The following UVRAG variants were observed in gnomAD, a reference collection of about 807,000 sequenced individuals.
UVRAG encodes UV radiation resistance associated, also known as UV radiation resistance-associated gene protein.
UVRAG carries 19 observed loss-of-function variants against 78.0 expected under a neutral mutation model. The observed-to-expected ratio is 0.24, with a 90% confidence interval of 0.17 to 0.36. UVRAG has a LOEUF of 0.36. Among genes scored for constraint, UVRAG ranks in the 10% least tolerant of loss-of-function variants. The pLI is 1.00. For missense variants in UVRAG, 740 were observed against 853.8 expected, an observed-to-expected ratio of 0.87 and a Z score of 1.66; for synonymous variants, 323 against 324.6, an observed-to-expected ratio of 1.00 and a Z score of 0.05.
In UVRAG at chr11:76,065,682, AT is replaced by A. The variant is rs747887375; in HGVS notation, c.1227-27del. ...GGTTGTATTTACTCAGCTTTTGAAA[AT>A]ATCTGATCCTTTTTTACCTTTCTTA... On this transcript the variant is annotated intron_variant, in intron 12 of 14. Transcript: ENST00000356136. 9 of 1,607,904 alleles carry A rather than the reference AT, an allele frequency of 5.6e-6. No individual in the cohort carries two copies. The South Asian group carries it at 8.8e-5, about 16-fold the overall frequency.
At chr11:76,021,893 A>G (rs1025115966) in intron 12 of UVRAG, among the ~76,000 whole-genome samples, 2 of 152,174 alleles carry the variant, frequency 1.3e-5, no homozygotes, top group Non-Finnish European at 2.9e-5. Context: ...GTCTTTACAA[A>G]AAATACAAAA....
chr11:76,033,826 G>A (rs1950479833), intron 12 of UVRAG, among the ~76,000 whole-genome samples: 1 of 152,108 alleles, frequency 6.6e-6, no homozygotes, highest in African/African-American at 2.4e-5. Flanking sequence ...GCAAAAATTA[G>A]AATGTCTATT....
chr11:76,086,419 TA>T (rs1190693596), intron 13 of UVRAG, among the ~76,000 whole-genome samples: 1 of 152,228 alleles, frequency 6.6e-6, no homozygotes, highest in Middle Eastern at 3.2e-3. Context: ...TTTAAGGATT[TA>T]AAGTATTGGC....
rs1952769264 is a variant in UVRAG at position 76,144,181 on chromosome 11, C to T, written c.*2768C>T. On this transcript the variant is annotated 3_prime_UTR_variant, in exon 15 of 15. Coordinates refer to ENST00000356136, the MANE Select transcript of UVRAG (RefSeq NM_003369.4). Reference sequence around the variant, plus strand: ...GCATGTGAAACTGATCTGTTGGTAACTGGAAGAAAACTCAGCATCTGTATT... The same window carrying T: ...GCATGTGAAACTGATCTGTTGGTAATTGGAAGAAAACTCAGCATCTGTATT... Among the ~76,000 whole-genome samples the T allele has an allele frequency of 6.6e-6, 1 of 152,148 alleles. No individual in the cohort carries two copies. Among genetic ancestry groups the T allele is most frequent in the African/African-American group, 2.4e-5 (1 of 41,428 alleles).
Position 75,880,013 on chromosome 11 carries a change from G to C in UVRAG, c.405G>C (p.Leu135Phe), listed in dbSNP as rs1209915462. 6.2e-7 allele frequency: 1 copy of C among 1,614,012 alleles called. No individual in the cohort carries two copies. Among genetic ancestry groups the C allele is most frequent in the African/African-American group, 1.3e-5 (1 of 74,912 alleles). The change falls in exon 4 of 15, where the codon TTG becomes TTC. Residue 135 changes from leucine (L) to phenylalanine (F), a missense_variant. Transcript: ENST00000356136. ...YQLLIEWKVC[L>F]DGLKYLGQQI... Reference sequence around the variant, plus strand: ...TGTTGATTGAATGGAAAGTCTGTTTGGATGGGCTGAAATACTTGGGTCAGC... The same window carrying C: ...TGTTGATTGAATGGAAAGTCTGTTTCGATGGGCTGAAATACTTGGGTCAGC...
chr11:75,831,710 C>T (rs1038074047), intron 1 of UVRAG, among the ~76,000 whole-genome samples: 1 of 152,064 alleles, frequency 6.6e-6, no homozygotes, highest in Non-Finnish European at 1.5e-5. Flanking sequence ...TAGAGGAGGA[C>T]GGTGGAAACA....
intron 5 of UVRAG, among the ~76,000 whole-genome samples, chr11:75,897,281 G>A (rs1947363492): frequency 6.6e-6 from 1 of 152,108 alleles, no homozygotes; most frequent in Admixed American, 6.5e-5. Context: ...TTTTCAATTT[G>A]TTCTGGTACT....
At chr11:76,057,194 A>G (rs1951000283) in intron 12 of UVRAG, among the ~76,000 whole-genome samples, 1 of 143,136 alleles carries the variant, frequency 7.0e-6, no homozygotes, top group South Asian at 2.4e-4. Flanking sequence ...TAAGTAGGAG[A>G]CTGGGTGCCA....
intron 2 of UVRAG, among the ~76,000 whole-genome samples, chr11:75,857,695 G>A (rs987489220): frequency 7.2e-5 from 11 of 151,784 alleles, no homozygotes; most frequent in African/African-American, 2.7e-4. Context: ...TCACCATGTT[G>A]GCCAGTATGG....
At chr11:76,063,214 A>T (rs568620861) in intron 12 of UVRAG, among the ~76,000 whole-genome samples, 6 of 152,246 alleles carry the variant, frequency 3.9e-5, no homozygotes, top group Non-Finnish European at 8.8e-5. Context: ...CTTGGAGCCT[A>T]CAGTATCATA....
chr11:75,950,232 TG>T (rs926492175), intron 6 of UVRAG, among the ~76,000 whole-genome samples: 16 of 152,204 alleles, frequency 1.1e-4, no homozygotes, highest in African/African-American at 3.9e-4. Flanking sequence ...ACAAGTTTTT[TG>T]TGGTCATGTG....
chr11:76,063,634 G>A (rs1199010119), intron 12 of UVRAG, among the ~76,000 whole-genome samples: 2 of 152,108 alleles, frequency 1.3e-5, no homozygotes, highest in Non-Finnish European at 2.9e-5. Flanking sequence ...CATTTTAATT[G>A]AATATAATAA....
intron 12 of UVRAG, among the ~76,000 whole-genome samples, chr11:76,065,096 G>A (rs1951162847): frequency 6.6e-6 from 1 of 152,202 alleles, no homozygotes; most frequent in Admixed American, 6.5e-5. Flanking sequence ...TCATGCCTTT[G>A]TTGCTCCAGT....
intron 13 of UVRAG, among the ~76,000 whole-genome samples, chr11:76,105,168 A>G (rs988564289): frequency 2.6e-5 from 4 of 152,200 alleles, no homozygotes; most frequent in Non-Finnish European, 5.9e-5. Flanking sequence ...GAGGGCCAGT[A>G]GAGATACAGA....
chr11:75,868,639 G>A (rs1946583883), intron 3 of UVRAG, among the ~76,000 whole-genome samples: 1 of 152,178 alleles, frequency 6.6e-6, no homozygotes, highest in Admixed American at 6.5e-5. Context: ...ATCTCTTCTT[G>A]TGTTCAGGGA....
chr11:75,888,922 T>C lies in UVRAG; in HGVS notation c.507+19T>C, dbSNP rs368184602. On this transcript the variant is annotated intron_variant, in intron 5 of 14. Coordinates refer to ENST00000356136, the MANE Select transcript of UVRAG (RefSeq NM_003369.4). ...ACATAAGGTAAGAAGATCCTTCTAATGTTATGAATTTTGTTTAGTGCAGGT... is the reference window on the plus strand; with the variant it reads ...ACATAAGGTAAGAAGATCCTTCTAACGTTATGAATTTTGTTTAGTGCAGGT... 2 of 1,606,982 alleles carry C rather than the reference T, an allele frequency of 1.2e-6. No individual in the cohort carries two copies. The highest frequency in any genetic ancestry group is 3.4e-5 in the Admixed American group (2 of 59,240).
chr11:76,018,963 C>T (rs1004068143), intron 12 of UVRAG, among the ~76,000 whole-genome samples: 16 of 152,156 alleles, frequency 1.1e-4, no homozygotes, highest in Non-Finnish European at 1.8e-4. Context: ...AGGCCAGTAA[C>T]TCTTAGGTTT....
At chr11:76,133,958 CTT>C (rs146371592) in intron 14 of UVRAG, among the ~76,000 whole-genome samples, 2 of 132,842 alleles carry the variant, frequency 1.5e-5, no homozygotes. Context: ...TTTTTCTTTT[CTT>C]TTTTTTTTTT....
chr11:75,991,427 A>G (rs551727706), intron 8 of UVRAG, among the ~76,000 whole-genome samples: 3 of 152,272 alleles, frequency 2.0e-5, no homozygotes, highest in East Asian at 1.9e-4. Context: ...AGTAAGAGTA[A>G]TAATAGTAGC....
Sources: gnomAD v4.1 joint callset for allele counts (sites outside exome capture counted in the v4.1 genomes callset) on GRCh38, gnomAD v4.1.1 for gene constraint, MANE v1.5 for transcripts, NCBI Gene and HGNC (gene_info 2026-07-23, HGNC 2026-07-21) for gene names.